Variants in SH3GL3 observed in about 807,000 individuals in gnomAD.
SH3GL3 encodes endophilin-A3.
Under a neutral mutation model 47.7 loss-of-function variants are expected in SH3GL3, and 33 were observed. The ratio of observed to expected loss-of-function variants is 0.69; its 90% CI spans 0.52 to 0.92. The LOEUF (loss-of-function observed/expected upper bound fraction) is 0.92, where lower values mean the gene tolerates loss of function less well. Among genes scored for constraint, SH3GL3 ranks in the 40% least tolerant of loss-of-function variants. The pLI is 0.00. For missense variants in SH3GL3, 363 were observed against 417.8 expected (o/e 0.87, Z 1.14); for synonymous variants, 155 against 148.8 (o/e 1.04, Z -0.30).
intron 1 of SH3GL3, among the ~76,000 whole-genome samples, chr15:83,534,306 C>T (rs527471952): frequency 1.3e-5 from 2 of 152,232 alleles, no homozygotes; most frequent in African/African-American, 4.8e-5. Context: ...TATAAATTAC[C>T]CAATTGCTGG....
intron 1 of SH3GL3, among the ~76,000 whole-genome samples, chr15:83,527,182 A>G (rs1023445064): frequency 1.3e-5 from 2 of 152,066 alleles, no homozygotes; most frequent in African/African-American, 4.8e-5. Context: ...CTCTTTTCCA[A>G]TTTGGATGTA....
chr15:83,500,029 G>T (rs1248869284), intron 1 of SH3GL3, among the ~76,000 whole-genome samples: 1 of 152,190 alleles, frequency 6.6e-6, no homozygotes, highest in Non-Finnish European at 1.5e-5. Context: ...GGGAAGTCCT[G>T]TTGACTGCTG....
At chr15:83,616,736 G>T (rs1365209631) in intron 8 of SH3GL3, among the ~76,000 whole-genome samples, 1 of 151,436 alleles carries the variant, frequency 6.6e-6, no homozygotes, top group Non-Finnish European at 1.5e-5. Flanking sequence ...AGCCAAGGGG[G>T]AATAAAAGAG....
chr15:83,528,260 T>G (rs892406764), intron 1 of SH3GL3, among the ~76,000 whole-genome samples: 1 of 152,224 alleles, frequency 6.6e-6, no homozygotes, highest in African/African-American at 2.4e-5. Context: ...TTTGACAGTA[T>G]GCTACAGAGA....
chr15:83,556,652 T>C (rs1286289951), intron 1 of SH3GL3, among the ~76,000 whole-genome samples: 1 of 152,232 alleles, frequency 6.6e-6, no homozygotes, highest in Non-Finnish European at 1.5e-5. Context: ...GTGGTTTCAA[T>C]AGTCACAGGA....
chr15:83,555,646 G>T (rs1447783696), intron 1 of SH3GL3, among the ~76,000 whole-genome samples: 1 of 152,170 alleles, frequency 6.6e-6, no homozygotes, highest in Non-Finnish European at 1.5e-5. Context: ...CCTGCAGATT[G>T]CCACATGTGG....
chr15:83,565,302 G>T (rs754796115), intron 3 of SH3GL3, 96 bp downstream of exon 3: 2 of 775,458 alleles, frequency 2.6e-6, no homozygotes, highest in South Asian at 1.5e-5. Flanking sequence ...AAACAATGTC[G>T]TCTGTGTCCC....
intron 8 of SH3GL3, among the ~76,000 whole-genome samples, chr15:83,600,108 A>G (rs1188609411): frequency 1.3e-5 from 2 of 152,046 alleles, no homozygotes; most frequent in African/African-American, 4.8e-5. Flanking sequence ...TGTCAGATGT[A>G]TAGATTGTGA....
At chr15:83,565,839 T>A (rs539724971) in intron 3 of SH3GL3, 5 of 152,214 alleles carry the variant, frequency 3.3e-5, no homozygotes, top group Non-Finnish European at 1.5e-5. Context: ...ATTATCTGCG[T>A]AGAGTTCCTG....
chr15:83,528,672 C>T (rs566166006), intron 1 of SH3GL3, among the ~76,000 whole-genome samples: 79 of 151,974 alleles, frequency 5.2e-4, no homozygotes, highest in African/African-American at 1.8e-3. Context: ...TCATATCTGT[C>T]TCTTTAGTGA....
downstream of SH3GL3, among the ~76,000 whole-genome samples, chr15:83,620,234 T>C (rs376089669): frequency 1.1e-4 from 17 of 152,362 alleles, no homozygotes; most frequent in East Asian, 2.3e-3. Flanking sequence ...AATCAACTTA[T>C]TCTAAACTCC....
At chr15:83,597,100 G>A (rs918586712) in intron 8 of SH3GL3, among the ~76,000 whole-genome samples, 1 of 152,088 alleles carries the variant, frequency 6.6e-6, no homozygotes. Flanking sequence ...TATAGTTCTG[G>A]AGGTCAGAAG....
chr15:83,448,904 G>T lies in SH3GL3; in HGVS notation c.45+1326G>T, dbSNP rs2039590332. On this transcript the variant is annotated intron_variant, in intron 1 of 8. Coordinates refer to ENST00000427482, the MANE Select transcript of SH3GL3 (RefSeq NM_003027.5). This position sits in a 1 kb window ranked among gnomAD's most constrained non-coding sequence, Gnocchi z 4.2. The stretch of plus-strand genomic sequence containing the variant: ...GAGGAGAGGCTATTCAGGTGAGGGT[G>T]GAGATGATGGATTCACCACTGAACC... Among the ~76,000 whole-genome samples, 1 of 152,118 alleles carries T rather than the reference G, an allele frequency of 6.6e-6. No individual in the cohort carries two copies. Among genetic ancestry groups the T allele is most frequent in the African/African-American group, 2.4e-5 (1 of 41,432 alleles).
chr15:83,464,988 T>TATAATAATA (rs143393694), intron 1 of SH3GL3, among the ~76,000 whole-genome samples: 3,777 of 141,466 alleles, frequency 0.027, 63 homozygotes, highest in South Asian at 0.059. Flanking sequence ...GAACTTAAAG[T>TATAATAATA]ATAATAATAA....
At chr15:83,510,595 T>C (rs1002400274) in intron 1 of SH3GL3, among the ~76,000 whole-genome samples, 4 of 152,140 alleles carry the variant, frequency 2.6e-5, no homozygotes, top group African/African-American at 9.7e-5. Flanking sequence ...TTGAAGCAGC[T>C]TGCAAAAAAT....
At chr15:83,453,487 C>T (rs2039876774) in intron 1 of SH3GL3, among the ~76,000 whole-genome samples, 1 of 142,976 alleles carries the variant, frequency 7.0e-6, no homozygotes, top group Non-Finnish European at 1.5e-5. Context: ...ATTTCAGAGC[C>T]TGTTATTGGT....
intron 1 of SH3GL3, among the ~76,000 whole-genome samples, chr15:83,479,335 G>GTT (rs749859389): frequency 6.6e-5 from 10 of 151,966 alleles, no homozygotes; most frequent in Non-Finnish European, 1.2e-4. Flanking sequence ...GTGTGCATGT[G>GTT]TGTGTGTGTG....
chr15:83,602,732 C>A (rs2060419657), intron 8 of SH3GL3, among the ~76,000 whole-genome samples: 1 of 152,078 alleles, frequency 6.6e-6, no homozygotes, highest in South Asian at 2.1e-4. Context: ...TTTCAAGGAC[C>A]CCCTACCCTG....
chr15:83,598,973 C>T (rs577191977), intron 8 of SH3GL3, among the ~76,000 whole-genome samples: 15 of 152,226 alleles, frequency 9.9e-5, no homozygotes, highest in African/African-American at 1.9e-4. Flanking sequence ...TTATAAAAAA[C>T]GTATCAAGAG....
Sources: gnomAD v4.1 joint callset for allele counts (sites outside exome capture counted in the v4.1 genomes callset) on GRCh38, gnomAD v4.1.1 for gene constraint, Gnocchi (gnomAD v3.1) non-coding constraint, MANE v1.5 for transcripts, NCBI Gene and HGNC (gene_info 2026-07-23, HGNC 2026-07-21) for gene names.